The following RANBP17 variants were observed in gnomAD, a reference collection of about 807,000 sequenced individuals.
The protein encoded by RANBP17 is RAN binding protein 17, also known as ran-binding protein 17.
RANBP17 carries 158 observed loss-of-function variants against 141.2 expected under a neutral mutation model. The ratio of observed to expected loss-of-function variants is 1.12; its 90% CI spans 0.98 to 1.28. The LOEUF (loss-of-function observed/expected upper bound fraction) is 1.28, where lower values mean the gene tolerates loss of function less well. Ranked by LOEUF, RANBP17 falls within the 50% of genes most tolerant of loss-of-function variation. RANBP17 has a pLI of 0.00. For synonymous variants in RANBP17, 430 were observed against 450.0 expected, an observed-to-expected ratio of 0.96 and a Z score of 0.56; for missense variants, 1,438 against 1,290.7, an observed-to-expected ratio of 1.11 and a Z score of -1.75.
intron 14 of RANBP17, among the ~76,000 whole-genome samples, chr5:171,100,723 T>C (rs967479430): frequency 6.6e-6 from 1 of 152,222 alleles, no homozygotes; most frequent in African/African-American, 2.4e-5. Context: ...TCTAGGTTTC[T>C]CCTGTGGGCA....
chr5:171,005,715 A>G (rs1330432230), intron 14 of RANBP17, among the ~76,000 whole-genome samples: 1 of 152,232 alleles, frequency 6.6e-6, no homozygotes, highest in African/African-American at 2.4e-5. Context: ...CACCAAAAGC[A>G]ATGGCAACAA....
At chr5:170,965,109 A>G (rs2127522857) in intron 13 of RANBP17, among the ~76,000 whole-genome samples, 1 of 152,138 alleles carries the variant, frequency 6.6e-6, no homozygotes, top group Middle Eastern at 3.4e-3. Flanking sequence ...GTGAGATGGT[A>G]TCTCATTGTG....
intron 24 of RANBP17, among the ~76,000 whole-genome samples, chr5:171,261,090 C>CCAAAA (rs1554125343): frequency 7.3e-5 from 5 of 68,480 alleles, no homozygotes; most frequent in African/African-American, 1.2e-4. Flanking sequence ...CCACCCCCCC[C>CCAAAA]AAAAAAAAAA....
intron 12 of RANBP17, among the ~76,000 whole-genome samples, chr5:170,948,480 G>A (rs963548372): frequency 1.3e-5 from 2 of 152,146 alleles, no homozygotes; most frequent in Admixed American, 6.6e-5. Flanking sequence ...TATCAAAAAG[G>A]ATAAAATACT....
At chr5:170,889,243 T>C (rs185156209) in intron 3 of RANBP17, among the ~76,000 whole-genome samples, 5 of 152,178 alleles carry the variant, frequency 3.3e-5, no homozygotes, top group Non-Finnish European at 1.5e-5. Context: ...CAGAGGATTT[T>C]TAGTTAAATT....
intron 16 of RANBP17, among the ~76,000 whole-genome samples, chr5:171,178,794 T>A (rs1260350360): frequency 2.0e-5 from 3 of 152,244 alleles, no homozygotes; most frequent in Non-Finnish European, 2.9e-5. Flanking sequence ...TTTTTTCATA[T>A]GGTTGTTGGC....
intron 10 of RANBP17, 75 bp downstream of exon 10, chr5:170,918,934 A>G: frequency 2.3e-6 from 2 of 868,844 alleles, no homozygotes; most frequent in East Asian, 2.9e-5. Context: ...TGGTGGGGGT[A>G]TTTGAAAAAT....
In RANBP17 at chr5:171,049,040, T is replaced by A. The variant is rs375260608; in HGVS notation, c.1710+80663T>A. ...GGAATGGTAATTCTATTTTAAGTTC[T>A]TCGAGAAATCGCCACACTGCTTTCC... On this transcript the variant is annotated intron_variant, in intron 14 of 27. Transcript: ENST00000523189. Among the ~76,000 whole-genome samples, 62 of 152,312 alleles carry A rather than the reference T, an allele frequency of 4.1e-4. 1 individual carries two copies. The South Asian group carries it at 0.012, about 31-fold the overall frequency.
intron 13 of RANBP17, among the ~76,000 whole-genome samples, chr5:170,965,727 C>T (rs1370670652): frequency 6.6e-6 from 1 of 152,080 alleles, no homozygotes; most frequent in African/African-American, 2.4e-5. Flanking sequence ...AGCGTTATTT[C>T]TGAGGGCTCT....
intron 22 of RANBP17, among the ~76,000 whole-genome samples, chr5:171,235,901 A>G (rs1764512585): frequency 6.6e-6 from 1 of 152,184 alleles, no homozygotes; most frequent in Non-Finnish European, 1.5e-5. Flanking sequence ...GCCTTTTTAA[A>G]ATATTTTTAA....
intron 12 of RANBP17, among the ~76,000 whole-genome samples, chr5:170,943,549 G>T (rs769208098): frequency 1.3e-5 from 2 of 151,986 alleles, no homozygotes; most frequent in Admixed American, 6.6e-5. Flanking sequence ...TGTTTGAACA[G>T]CTGCTAAAAC....
intron 22 of RANBP17, among the ~76,000 whole-genome samples, chr5:171,231,823 C>T (rs534379289): frequency 3.1e-4 from 47 of 152,088 alleles, no homozygotes; most frequent in African/African-American, 1.1e-3. Context: ...TGGAAATGAT[C>T]TAATAATGGA....
At position 170,901,830 on chromosome 5, in the gene RANBP17, C is replaced by T. The variant is rs192716627; in HGVS notation, c.489+5715C>T. ...TCTGGGTTGAAGATTCTTTTCTTTA[C>T]GAATGTTGAATATTGGCCCCCACTC... is the stretch of plus-strand genomic sequence containing the variant. On this transcript the variant is annotated intron_variant, in intron 5 of 27. Coordinates refer to ENST00000523189, the MANE Select transcript of RANBP17 (RefSeq NM_022897.5). 8.8e-3 allele frequency among the ~76,000 whole-genome samples: 1,343 copies of T among 152,158 alleles called. 69 individuals carry two copies. Among genetic ancestry groups the T allele is most frequent in the Admixed American group, 0.079 (1,210 of 15,264 alleles).
chr5:170,885,999 G>A lies in RANBP17; in HGVS notation c.256+4103G>A, dbSNP rs114893954. Among the ~76,000 whole-genome samples, 462 of 152,002 alleles carry A rather than the reference G, an allele frequency of 3.0e-3. 3 individuals carry two copies. Among genetic ancestry groups the A allele is most frequent in the African/African-American group, 0.011 (438 of 41,430 alleles). ...CTCCAGCAGGAATTTATTGTTTCAG[G>A]CTTGATGGCTCTCATGGCTTTTTCT... On this transcript the variant is annotated intron_variant, in intron 3 of 27. Coordinates refer to ENST00000523189, the MANE Select transcript of RANBP17 (RefSeq NM_022897.5).
chr5:171,251,280 A>G (rs754184852), intron 24 of RANBP17, among the ~76,000 whole-genome samples: 14 of 151,862 alleles, frequency 9.2e-5, no homozygotes, highest in East Asian at 1.9e-4. Flanking sequence ...GGTTTTTGCT[A>G]TGTTGTCCAG....
intron 14 of RANBP17, 77 bp from the exon 15 acceptor site, chr5:171,170,053 T>C: frequency 7.9e-6 from 6 of 757,888 alleles, no homozygotes; most frequent in South Asian, 2.5e-5. Context: ...TTAAATCTTA[T>C]GTTTGTTCAA....
intron 14 of RANBP17, among the ~76,000 whole-genome samples, chr5:170,973,400 T>A (rs913297198): frequency 4.0e-5 from 6 of 150,700 alleles, no homozygotes; most frequent in Non-Finnish European, 8.8e-5. Context: ...TAGGGAAGAA[T>A]TTTTTAAGAC....
At chr5:171,074,601 C>T (rs140402142) in intron 14 of RANBP17, among the ~76,000 whole-genome samples, 374 of 152,198 alleles carry the variant, frequency 2.5e-3, no homozygotes, top group African/African-American at 8.3e-3. Context: ...GCAACTTTCC[C>T]GTAACTTTAA....
intron 14 of RANBP17, among the ~76,000 whole-genome samples, chr5:171,035,590 A>G (rs917254893): frequency 1.4e-5 from 2 of 145,140 alleles, no homozygotes; most frequent in African/African-American, 5.1e-5. Context: ...AGGCTTTATT[A>G]TCTTCCCCAT....
Sources: allele counts gnomAD v4.1 joint callset (sites outside exome capture counted in the v4.1 genomes callset), GRCh38; gene constraint gnomAD v4.1.1; transcripts MANE v1.5; gene names NCBI Gene and HGNC (gene_info 2026-07-23, HGNC 2026-07-21).